RPL23: variants seen among roughly 807,000 people sequenced by gnomAD.
RPL23 encodes the protein ribosomal protein L23.
For synonymous variants in RPL23, 63 were observed against 65.3 expected, an observed-to-expected ratio of 0.97 and a Z score of 0.17; for missense variants, 79 against 178.8, an observed-to-expected ratio of 0.44 and a Z score of 3.18.
In RPL23 at chr17:38,850,161, T is replaced by C. The variant is rs757771687; in HGVS notation, c.394A>G (p.Ile132Val). 1.2e-6 allele frequency: 2 copies of C among 1,606,766 alleles called. No homozygotes were observed. Among genetic ancestry groups the C allele is most frequent in the Non-Finnish European group, 1.7e-6 (2 of 1,178,022 alleles). ...AKECADLWPRIASNAGSIA is the reference protein window; with the variant it reads ...AKECADLWPRVASNAGSIA ...GCAATGCTGCCAGCATTGGATGCAATCCGGGGCCACAAGTCTGCACACTCC... is the reference window on the plus strand; with the variant it reads ...GCAATGCTGCCAGCATTGGATGCAACCCGGGGCCACAAGTCTGCACACTCC... The change falls in exon 5 of 5, where the codon ATT (isoleucine) becomes GTT (valine). Residue 132 changes from isoleucine (I) to valine (V), a missense_variant. Transcript: ENST00000479035.
chr17:38,850,254 T>G, intron 4 of RPL23, 40 bp from the exon 5 acceptor site: 3 of 1,554,038 alleles, frequency 1.9e-6, no homozygotes, highest in Non-Finnish European at 2.6e-6. Context: ...TAAAAACATG[T>G]GGGGGACAGA....
At chr17:38,853,386 G>A (rs180973711) in intron 1 of RPL23, 3 of 708,060 alleles carry the variant, frequency 4.2e-6, no homozygotes, top group Admixed American at 4.0e-5. Flanking sequence ...ACTCCTGCAA[G>A]GCATAAAACC....
Position 38,849,889 on chromosome 17 carries a change from G to A in RPL23, c.*243C>T. 2 of 400,440 alleles carry A rather than the reference G, an allele frequency of 5.0e-6. No individual in the cohort carries two copies. Among genetic ancestry groups the A allele is most frequent in the Non-Finnish European group, 8.9e-6 (2 of 224,746 alleles). The allele number at this position is 400,440 out of a possible 1,614,324, so 24.8% of individuals were successfully genotyped here. On this transcript the variant is annotated 3_prime_UTR_variant, in exon 5 of 5. Coordinates refer to ENST00000479035, the MANE Select transcript of RPL23 (RefSeq NM_000978.4). ...TGTCAAAAACACTGTAGAGGCCTGG[G>A]TGGGCAGATCACTTGAGATCAGGAG...
At position 38,847,979 on chromosome 17, in the gene RPL23, G is replaced by C; in HGVS notation, c.*2153C>G. On this transcript the variant is annotated 3_prime_UTR_variant, in exon 5 of 5. Transcript: ENST00000479035. ...CAGCCCTTTGAAGGCCACAGCAGGAGGATTCCAAGTCCAGCAGTTCAAAGT... is the reference window on the plus strand; with the variant it reads ...CAGCCCTTTGAAGGCCACAGCAGGACGATTCCAAGTCCAGCAGTTCAAAGT... The C allele has an allele frequency of 6.5e-7, 1 of 1,550,080 alleles. No individual in the cohort carries two copies. The highest frequency in any genetic ancestry group is 8.7e-7 in the Non-Finnish European group (1 of 1,146,784).
At chr17:38,852,520 C>A in intron 3 of RPL23, 84 bp downstream of exon 3, 3 of 1,536,800 alleles carry the variant, frequency 2.0e-6, no homozygotes, top group Non-Finnish European at 2.7e-6. Flanking sequence ...AAACTTGAGG[C>A]CTTGAAAACT....
At position 38,848,004 on chromosome 17, in the gene RPL23, T is replaced by C. The variant is rs767412515; in HGVS notation, c.*2128A>G. 36 of 1,550,128 alleles carry C rather than the reference T, an allele frequency of 2.3e-5. No individual in the cohort carries two copies. In the South Asian group the frequency reaches 3.9e-4, roughly 17 times the overall value. On this transcript the variant is annotated 3_prime_UTR_variant, in exon 5 of 5. Coordinates refer to ENST00000479035, the MANE Select transcript of RPL23 (RefSeq NM_000978.4). Reference sequence around the variant, plus strand: ...GGATTCCAAGTCCAGCAGTTCAAAGTTACAGTGAGCTTCAGTGGTGTTACT... The same window carrying C: ...GGATTCCAAGTCCAGCAGTTCAAAGCTACAGTGAGCTTCAGTGGTGTTACT...
Position 38,850,096 on chromosome 17 carries a change from GT to G in RPL23, c.*35del, listed in dbSNP as rs3834563. 7,371 of 1,429,902 alleles carry G rather than the reference GT, an allele frequency of 5.2e-3. 200 individuals are homozygous for G. The African/African-American group carries it at 0.084, about 16-fold the overall frequency. The allele number at this position is 1,429,902 out of a possible 1,614,324, so 88.6% of individuals were successfully genotyped here. Reference sequence around the variant, plus strand: ...AAACAAATACTTTTTAATGGGTTTAGTTTTTTTTTTTATTTTTTACAAATAT... The same window carrying G: ...AAACAAATACTTTTTAATGGGTTTAGTTTTTTTTTTATTTTTTACAAATAT... On this transcript the variant is annotated 3_prime_UTR_variant, in exon 5 of 5. Transcript: ENST00000479035.
chr17:38,850,750 A>C (rs1239177), intron 3 of RPL23: 1 of 326,556 alleles, frequency 3.1e-6, no homozygotes. Context: ...ATAGGGAGTA[A>C]AGGCATGAAC....
chr17:38,853,348 C>A, intron 1 of RPL23: 1 of 690,900 alleles, frequency 1.4e-6, no homozygotes, highest in Non-Finnish European at 2.7e-6. Context: ...CGACTCAACC[C>A]TTGCTCTAAC....
In RPL23 at chr17:38,849,685, A is replaced by T. The variant is rs1403654214; in HGVS notation, c.*447T>A. ...GAGAAGCTACCATGTATAGCCAGTC[A>T]TTGAGCAGTATCTACTATTATTTTT... is the stretch of plus-strand genomic sequence containing the variant. On this transcript the variant is annotated 3_prime_UTR_variant, in exon 5 of 5. Transcript: ENST00000479035. 6.4e-6 allele frequency: 1 copy of T among 155,074 alleles called. No homozygotes were observed. Among genetic ancestry groups the T allele is most frequent in the Non-Finnish European group, 1.4e-5 (1 of 70,010 alleles). 9.6% of individuals were successfully genotyped at this position (155,074 alleles called of 1,614,324 possible).
intron 3 of RPL23, 61 bp downstream of exon 3, chr17:38,852,543 A>G: frequency 6.3e-7 from 1 of 1,586,736 alleles, no homozygotes; most frequent in Non-Finnish European, 8.6e-7. Context: ...TCCATTTTCC[A>G]ATAAAGGAAA....
In RPL23 at chr17:38,847,883, T is replaced by A; in HGVS notation, c.*2249A>T. On this transcript the variant is annotated 3_prime_UTR_variant, in exon 5 of 5. Transcript: ENST00000479035. ...AGTGAAGTGTAAATATAAAGTTTTT[T>A]AATCCAAGTCAAAAAAAATCTCCAA... The A allele has an allele frequency of 2.7e-6, 4 of 1,489,266 alleles. No homozygotes were observed. In the South Asian group the frequency reaches 4.0e-5, roughly 15 times the overall value. 92.3% of individuals were successfully genotyped at this position (1,489,266 alleles called of 1,614,324 possible). A position where few individuals can be genotyped will look rare whatever the true frequency, so the allele number is the denominator to read the frequency against.
chr17:38,853,440 C>G, intron 1 of RPL23: 1 of 717,054 alleles, frequency 1.4e-6, no homozygotes, highest in East Asian at 2.7e-5. Context: ...CTAACTTCAA[C>G]CCCATTACGA....
At chr17:38,852,195 T>A in intron 3 of RPL23, 1 of 193,106 alleles carries the variant, frequency 5.2e-6, no homozygotes, top group South Asian at 8.2e-5. Flanking sequence ...CACTCCAGCC[T>A]GGGCAACAAG....
chr17:38,853,654 C>T, intron 1 of RPL23, 44 bp downstream of exon 1: 1 of 1,614,014 alleles, frequency 6.2e-7, no homozygotes. Context: ...CCGCCAGCCA[C>T]TGCACGACAG....
rs1218540078 is a variant in RPL23, at chr17:38,848,024, G to A, written c.*2108C>T. On this transcript the variant is annotated 3_prime_UTR_variant, in exon 5 of 5. Coordinates refer to ENST00000479035, the MANE Select transcript of RPL23 (RefSeq NM_000978.4). The stretch of plus-strand genomic sequence containing the variant: ...CAAAGTTACAGTGAGCTTCAGTGGT[G>A]TTACTGCACTCCAGCCTGTGTGACA... The A allele has an allele frequency of 6.7e-5, 104 of 1,549,750 alleles. No homozygotes were observed. In the East Asian group the frequency reaches 2.5e-3, roughly 38 times the overall value.
intron 1 of RPL23, 29 bp from the exon 2 acceptor site, chr17:38,853,134 A>G (rs1318216174): frequency 1.3e-6 from 2 of 1,555,314 alleles, no homozygotes; most frequent in Non-Finnish European, 1.8e-6. Flanking sequence ...GGGAAACAGG[A>G]TAAAGAGATC....
chr17:38,850,614 C>T (rs994995364), intron 3 of RPL23, 139 bp from the exon 4 acceptor site: 1 of 635,002 alleles, frequency 1.6e-6, no homozygotes, highest in Non-Finnish European at 2.8e-6. Flanking sequence ...AGGTGATCCT[C>T]CCACCTCAGC....
chr17:38,852,437 G>T, intron 3 of RPL23, 167 bp downstream of exon 3: 1 of 748,266 alleles, frequency 1.3e-6, no homozygotes, highest in East Asian at 2.6e-5. Context: ...GTGACAAGAT[G>T]ATGGTCCCCC....
Sources: gnomAD v4.1 joint callset for allele counts on GRCh38, gnomAD v4.1.1 for gene constraint, MANE v1.5 for transcripts, NCBI Gene and HGNC (gene_info 2026-07-23, HGNC 2026-07-21) for gene names.